APAF1: variants seen among roughly 807,000 people sequenced by gnomAD.
APAF1 encodes apoptotic peptidase activating factor 1.
A neutral mutation model predicts 152.4 loss-of-function variants in APAF1; 91 were observed. That is an observed-to-expected ratio of 0.60 (90% CI 0.50 to 0.71). The LOEUF is 0.71. Among genes scored for constraint, APAF1 ranks in the 30% least tolerant of loss-of-function variants. The pLI, the probability that APAF1 is intolerant of heterozygous loss-of-function variation, is 0.00. For missense variants in APAF1, 1,283 were observed against 1,472.0 expected, an observed-to-expected ratio of 0.87 and a Z score of 2.10; for synonymous variants, 484 against 494.1, an observed-to-expected ratio of 0.98 and a Z score of 0.27.
In APAF1 at chr12:98,659,102, C is replaced by T. The variant is rs79333195; in HGVS notation, c.527-58C>T. The T allele has an allele frequency of 4.8e-4, 714 of 1,500,022 alleles. 3 individuals carry two copies. The African/African-American group carries it at 8.4e-3, about 18-fold the overall frequency. 92.9% of individuals were successfully genotyped at this position (1,500,022 alleles called of 1,614,324 possible). ...TAAATCTGATGCTTAACAGTAAAAC[C>T]ATTTAAAGGAGTACTCCTGTTGAAA... is the stretch of plus-strand genomic sequence containing the variant. On this transcript the variant is annotated intron_variant, in intron 4 of 26. Coordinates refer to ENST00000551964, the MANE Select transcript of APAF1 (RefSeq NM_181861.2).
At position 98,665,738 on chromosome 12, in the gene APAF1, G is replaced by GATT; in HGVS notation, c.1146_1148dup (p.Tyr383dup). On this transcript the variant is annotated inframe_insertion, in exon 8 of 27. Coordinates refer to ENST00000551964, the MANE Select transcript of APAF1 (RefSeq NM_181861.2). ...TGAAATGCTCAGAGAAGACATCAAA[G>GATT]ATTATTACACAGATCTTTCCATCCT... 1 of 1,614,120 alleles carries GATT rather than the reference G, an allele frequency of 6.2e-7. No individual in the cohort carries two copies. Among genetic ancestry groups the GATT allele is most frequent in the Non-Finnish European group, 8.5e-7 (1 of 1,180,002 alleles).
intron 12 of APAF1, 24 bp downstream of exon 12, chr12:98,671,743 A>G (rs765579098): frequency 8.7e-6 from 14 of 1,607,386 alleles, no homozygotes; most frequent in Non-Finnish European, 1.2e-5. Context: ...GAGAGAAACC[A>G]AAGGGAGTGG....
At chr12:98,713,757 G>A (rs561280883) in intron 21 of APAF1, among the ~76,000 whole-genome samples, 3 of 152,192 alleles carry the variant, frequency 2.0e-5, no homozygotes, top group East Asian at 3.9e-4. Context: ...TTATGGCACT[G>A]GCCACAGTTA....
intron 18 of APAF1, among the ~76,000 whole-genome samples, chr12:98,703,969 T>C (rs1281854438): frequency 1.3e-5 from 2 of 152,214 alleles, no homozygotes; most frequent in Non-Finnish European, 2.9e-5. Flanking sequence ...AAATAACTCA[T>C]ATAAATTACT....
intron 26 of APAF1, among the ~76,000 whole-genome samples, chr12:98,730,819 T>TA (rs34980617): frequency 0.18 from 26,842 of 152,226 alleles, 2,510 homozygotes; most frequent in Non-Finnish European, 0.2. Flanking sequence ...TGAGTGCCAG[T>TA]AAGATAAAGT....
At chr12:98,711,619 A>G (rs944259895) in intron 20 of APAF1, among the ~76,000 whole-genome samples, 1 of 152,340 alleles carries the variant, frequency 6.6e-6, no homozygotes, top group African/African-American at 2.4e-5. Flanking sequence ...AGTTTATGAC[A>G]CTAAGAGAGA....
chr12:98,732,726 CT>C lies in APAF1; in HGVS notation c.*165del, dbSNP rs1173336133. ...GGTTGGATGAATAATATTAATGTAG[CT>C]TTTTCCCAAATGAACATACCTTTAA... is the stretch of plus-strand genomic sequence containing the variant. On this transcript the variant is annotated 3_prime_UTR_variant, in exon 27 of 27. Coordinates refer to ENST00000551964, the MANE Select transcript of APAF1 (RefSeq NM_181861.2). The C allele has an allele frequency of 5.0e-6, 3 of 602,000 alleles. No individual in the cohort carries two copies. Among genetic ancestry groups the C allele is most frequent in the Non-Finnish European group, 8.7e-6 (3 of 344,054 alleles). 37.3% of individuals were successfully genotyped at this position (602,000 alleles called of 1,614,324 possible).
chr12:98,695,393 G>A (rs1458095887), intron 16 of APAF1, among the ~76,000 whole-genome samples: 1 of 142,512 alleles, frequency 7.0e-6, no homozygotes, highest in African/African-American at 2.6e-5. Flanking sequence ...GTCTCACTCT[G>A]TCACACAGGC....
At position 98,734,983 on chromosome 12, in the gene APAF1, C is replaced by G. The variant is rs911988109; in HGVS notation, c.*2417C>G. ...AAATTAGGAGCCAGGTGCGGTGGCA[C>G]GTGCCTGTAATCCCAGCTCCTTGGG... On this transcript the variant is annotated 3_prime_UTR_variant, in exon 27 of 27. Coordinates refer to ENST00000551964, the MANE Select transcript of APAF1 (RefSeq NM_181861.2). The G allele has an allele frequency of 2.6e-6, 1 of 385,388 alleles. No homozygotes were observed. The highest frequency in any genetic ancestry group is 4.5e-5 in the Admixed American group (1 of 22,358). 23.9% of individuals were successfully genotyped at this position (385,388 alleles called of 1,614,324 possible).
chr12:98,717,446 G>A (rs1441128171), intron 22 of APAF1, among the ~76,000 whole-genome samples: 1 of 151,482 alleles, frequency 6.6e-6, no homozygotes, highest in Non-Finnish European at 1.5e-5. Context: ...TGCGACCTTG[G>A]CTTGCTGCAA....
In APAF1 at chr12:98,686,766, A is replaced by G; in HGVS notation, c.2197A>G (p.Lys733Glu). The change falls in exon 16 of 27, where the codon AAA (lysine) becomes GAA (glutamate). Residue 733 changes from lysine to glutamate, a missense_variant. Physicochemically the swap from Lys to Glu is moderately conservative, Grantham distance 56 (BLOSUM62 1). Coordinates refer to ENST00000551964, the MANE Select transcript of APAF1 (RefSeq NM_181861.2). ...CAAATAGCTTTGGGATTTGAATCAAAAAGAATGTCGAAATACCATGTTTGG... is the reference window on the plus strand; with the variant it reads ...CAAATAGCTTTGGGATTTGAATCAAGAAGAATGTCGAAATACCATGTTTGG... ...CFLKLWDLNQ[K>E]ECRNTMFGHT... 1 of 1,613,820 alleles carries G rather than the reference A, an allele frequency of 6.2e-7. No homozygotes were observed. Among genetic ancestry groups the G allele is most frequent in the Non-Finnish European group, 8.5e-7 (1 of 1,179,846 alleles).
chr12:98,692,723 T>G (rs2097705655), intron 16 of APAF1, among the ~76,000 whole-genome samples: 1 of 152,236 alleles, frequency 6.6e-6, no homozygotes, highest in African/African-American at 2.4e-5. Context: ...AAGGACATGA[T>G]TTTATTCTTT....
chr12:98,708,625 T>C lies in APAF1; in HGVS notation c.2762T>C (p.Met921Thr), dbSNP rs1037139719. Reference protein sequence around the residue: ...TKKVCKNSAVMLKQEVDVVFQ... With the variant: ...TKKVCKNSAVTLKQEVDVVFQ... ...AAAGTATGTAAGAACTCTGCTGTAA[T>C]GTTAAAGCAAGAAGTAGATGTTGTG... is the stretch of plus-strand genomic sequence containing the variant. Residue 921 changes from methionine (M) to threonine (T), a missense_variant, in exon 20 of 27, where the codon ATG (methionine) becomes ACG (threonine). Coordinates refer to ENST00000551964, the MANE Select transcript of APAF1 (RefSeq NM_181861.2). 1 of 1,613,164 alleles carries C rather than the reference T, an allele frequency of 6.2e-7. No homozygotes were observed. Among genetic ancestry groups the C allele is most frequent in the Admixed American group, 1.7e-5 (1 of 60,010 alleles).
rs1438877391 is a variant in APAF1, at chr12:98,699,543, A to G, written c.2440A>G (p.Met814Val). Residue 814 changes from methionine (M) to valine (V), a missense_variant, in exon 17 of 27, where the codon ATG (methionine) becomes GTG (valine). Met to Val is a conservative substitution (Grantham distance 21, BLOSUM62 1). Transcript: ENST00000551964. ...GTGGTCTGCTGATGGTGCAAGGATA[A>G]TGGTGGCAGCAAAAAATAAAATCTT... ...CSWSADGARI[M>V]VAAKNKIFLF... is the part of the protein sequence containing the mutation. 6.2e-7 allele frequency: 1 copy of G among 1,614,082 alleles called. No individual in the cohort carries two copies. The highest frequency in any genetic ancestry group is 1.7e-5 in the Admixed American group (1 of 60,008).
chr12:98,705,455 G>A (rs1048786258), intron 18 of APAF1, among the ~76,000 whole-genome samples: 3 of 152,148 alleles, frequency 2.0e-5, no homozygotes, highest in African/African-American at 4.8e-5. Flanking sequence ...GAGATAAGGC[G>A]GAGAAAATTT....
Position 98,648,678 on chromosome 12 carries a change from A to G in APAF1, c.191A>G (p.Asp64Gly). Residue 64 changes from aspartate (D) to glycine (G), a missense_variant, in exon 3 of 27, where the codon GAT (aspartate) becomes GGT (glycine). Transcript: ENST00000551964. The stretch of plus-strand genomic sequence containing the variant: ...CTGATTAAAATGATACTTAAAAAAG[A>G]TAATGATTCCTACGTATCATTCTAC... ...AMLIKMILKKDNDSYVSFYNA... is the reference protein window; with the variant it reads ...AMLIKMILKKGNDSYVSFYNA... 1 of 1,613,974 alleles carries G rather than the reference A, an allele frequency of 6.2e-7. No homozygotes were observed. Among genetic ancestry groups the G allele is most frequent in the Non-Finnish European group, 8.5e-7 (1 of 1,179,950 alleles).
At chr12:98,666,487 AT>A in intron 9 of APAF1, 130 bp downstream of exon 9, 1 of 848,912 alleles carries the variant, frequency 1.2e-6, no homozygotes, top group Non-Finnish European at 1.8e-6. Context: ...TAATATTAAC[AT>A]TTTATATAAC....
At chr12:98,728,239 A>G (rs1307847993) in intron 26 of APAF1, among the ~76,000 whole-genome samples, 2 of 152,164 alleles carry the variant, frequency 1.3e-5, no homozygotes, top group Non-Finnish European at 2.9e-5. Flanking sequence ...ATGTTGGTTG[A>G]AAATCTTTAA....
intron 10 of APAF1, among the ~76,000 whole-genome samples, chr12:98,670,702 T>A (rs2097679075): frequency 6.6e-6 from 1 of 152,086 alleles, no homozygotes; most frequent in Admixed American, 6.5e-5. Context: ...ACTACAAGCT[T>A]ACAAAAATAT....
Sources: gnomAD v4.1 joint callset for allele counts (sites outside exome capture counted in the v4.1 genomes callset) on GRCh38, gnomAD v4.1.1 for gene constraint, MANE v1.5 for transcripts, NCBI Gene and HGNC (gene_info 2026-07-23, HGNC 2026-07-21) for gene names.